ATP6V1H: variants seen among roughly 807,000 people sequenced by gnomAD.
ATP6V1H encodes ATPase H+ transporting V1 subunit H, also known as V-type proton ATPase subunit H.
Under a neutral mutation model 71.7 loss-of-function variants are expected in ATP6V1H, and 39 were observed. The ratio of observed to expected loss-of-function variants is 0.54; its 90% CI spans 0.42 to 0.71. The LOEUF (loss-of-function observed/expected upper bound fraction) is 0.71. ATP6V1H is among the 30% of genes least tolerant of loss of function. ATP6V1H has a pLI of 0.00. For synonymous variants in ATP6V1H, 192 were observed against 199.3 expected, an observed-to-expected ratio of 0.96 and a Z score of 0.31; for missense variants, 509 against 594.9, an observed-to-expected ratio of 0.86 and a Z score of 1.50.
chr8:53,794,210 AAT>A (rs1300856018), intron 9 of ATP6V1H, among the ~76,000 whole-genome samples: 8 of 152,218 alleles, frequency 5.3e-5, no homozygotes, highest in African/African-American at 1.4e-4. Context: ...AGACCAGTAT[AAT>A]ATGTCATTTT....
chr8:53,763,518 A>G (rs956129455), intron 11 of ATP6V1H, among the ~76,000 whole-genome samples: 1 of 152,200 alleles, frequency 6.6e-6, no homozygotes, highest in Admixed American at 6.5e-5. Context: ...TACAGCTTCA[A>G]CAGAATCCCT....
At chr8:53,828,388 G>A (rs1393997268) in intron 4 of ATP6V1H, among the ~76,000 whole-genome samples, 1 of 152,188 alleles carries the variant, frequency 6.6e-6, no homozygotes, top group African/African-American at 2.4e-5. Context: ...CTACCAGCAT[G>A]TCATGGTGTT....
intron 11 of ATP6V1H, among the ~76,000 whole-genome samples, chr8:53,765,520 C>G (rs1808428798): frequency 8.3e-6 from 1 of 120,016 alleles, no homozygotes; most frequent in Non-Finnish European, 1.8e-5. Context: ...AGCATTAGCA[C>G]CAAAAAAAAA....
intron 9 of ATP6V1H, among the ~76,000 whole-genome samples, chr8:53,774,577 G>C (rs563665471): frequency 6.6e-6 from 1 of 152,130 alleles, no homozygotes; most frequent in Non-Finnish European, 1.5e-5. Flanking sequence ...TCCACTTCCA[G>C]GAATGATAAA....
chr8:53,737,089 G>C (rs571714906), intron 13 of ATP6V1H, among the ~76,000 whole-genome samples: 1 of 152,196 alleles, frequency 6.6e-6, no homozygotes, highest in Non-Finnish European at 1.5e-5. Context: ...AGAGCTGTAA[G>C]CCCTTAAAAG....
intron 7 of ATP6V1H, among the ~76,000 whole-genome samples, chr8:53,802,363 G>T (rs1305516202): frequency 6.6e-6 from 1 of 152,126 alleles, no homozygotes; most frequent in East Asian, 1.9e-4. Flanking sequence ...TTTTCAATAT[G>T]AAATTTCTTC....
intron 5 of ATP6V1H, among the ~76,000 whole-genome samples, chr8:53,816,918 C>A (rs1424203581): frequency 6.6e-6 from 1 of 152,158 alleles, no homozygotes; most frequent in Non-Finnish European, 1.5e-5. Flanking sequence ...ATGTAGTTAA[C>A]CCCACTACAA....
chr8:53,735,489 A>T (rs1322622552), intron 13 of ATP6V1H, among the ~76,000 whole-genome samples: 1 of 152,182 alleles, frequency 6.6e-6, no homozygotes, highest in African/African-American at 2.4e-5. Context: ...ATTGCCAGGA[A>T]ATTCATTTAA....
chr8:53,722,941 G>A (rs1352642147), intron 13 of ATP6V1H, among the ~76,000 whole-genome samples: 1 of 152,198 alleles, frequency 6.6e-6, no homozygotes, highest in African/African-American at 2.4e-5. Context: ...TTAATGATAT[G>A]TAGTAGAAAG....
At position 53,793,473 on chromosome 8, in the gene ATP6V1H, T is replaced by C. The variant is rs145362618; in HGVS notation, c.870+2174A>G. Reference sequence around the variant, plus strand: ...GGGCAACAAAACAAGATCCTGTCTCTACAAAAGATTTTATTTTTTAAATTA... The same window carrying C: ...GGGCAACAAAACAAGATCCTGTCTCCACAAAAGATTTTATTTTTTAAATTA... On this transcript the variant is annotated intron_variant, in intron 9 of 13. Coordinates refer to ENST00000359530, the MANE Select transcript of ATP6V1H (RefSeq NM_015941.4). Among the ~76,000 whole-genome samples the C allele has an allele frequency of 2.2e-3, 338 of 152,172 alleles. 2 individuals are homozygous for C. Among genetic ancestry groups the C allele is most frequent in the African/African-American group, 7.9e-3 (327 of 41,536 alleles).
At chr8:53,723,870 GA>G (rs1289791026) in intron 13 of ATP6V1H, among the ~76,000 whole-genome samples, 1 of 152,198 alleles carries the variant, frequency 6.6e-6, no homozygotes, top group Non-Finnish European at 1.5e-5. Flanking sequence ...ACAGTAAACA[GA>G]AAAGTTAGAC....
At chr8:53,746,133 CTCATG>C (rs1662402375) in intron 12 of ATP6V1H, among the ~76,000 whole-genome samples, 1 of 152,178 alleles carries the variant, frequency 6.6e-6, no homozygotes, top group African/African-American at 2.4e-5. Flanking sequence ...TATTTTTCAT[CTCATG>C]TAATTCTCAC....
intron 9 of ATP6V1H, among the ~76,000 whole-genome samples, chr8:53,780,831 G>A (rs1001776208): frequency 6.6e-6 from 1 of 152,072 alleles, no homozygotes; most frequent in African/African-American, 2.4e-5. Flanking sequence ...GAGAATGATG[G>A]TTTCCAGCTT....
At chr8:53,816,106 T>C (rs1162320340) in intron 5 of ATP6V1H, among the ~76,000 whole-genome samples, 1 of 152,226 alleles carries the variant, frequency 6.6e-6, no homozygotes, top group South Asian at 2.1e-4. Context: ...TTCTTTAAAA[T>C]ACAGTTTATT....
chr8:53,757,985 G>A (rs891961010), intron 11 of ATP6V1H, among the ~76,000 whole-genome samples: 8 of 152,198 alleles, frequency 5.3e-5, no homozygotes, highest in African/African-American at 1.7e-4. Flanking sequence ...AAGAGACTAT[G>A]GCCTGCTGAC....
intron 12 of ATP6V1H, among the ~76,000 whole-genome samples, chr8:53,746,815 A>G (rs1270123842): frequency 1.3e-5 from 2 of 152,244 alleles, no homozygotes; most frequent in Admixed American, 6.5e-5. Flanking sequence ...GTGGATTACA[A>G]AATATCATTA....
rs1387482189 is a variant in ATP6V1H, at chr8:53,780,140, C to A, written c.871-7973G>T. Among the ~76,000 whole-genome samples the A allele has an allele frequency of 3.6e-5, 5 of 140,208 alleles. No individual in the cohort carries two copies. The East Asian group carries it at 1.1e-3, about 30-fold the overall frequency. 92.0% of individuals were successfully genotyped at this position (140,208 alleles called of 152,430 possible). A position where few individuals can be genotyped will look rare whatever the true frequency, so the allele number is the denominator to read the frequency against. On this transcript the variant is annotated intron_variant, in intron 9 of 13. Coordinates refer to ENST00000359530, the MANE Select transcript of ATP6V1H (RefSeq NM_015941.4). ...TGCCACTGCATTCCAGCCTCGGTGA[C>A]AGGGTGAGACTCCATCTCAAAAAAA...
chr8:53,793,998 C>T (rs764357477), intron 9 of ATP6V1H, among the ~76,000 whole-genome samples: 2 of 152,154 alleles, frequency 1.3e-5, no homozygotes, highest in Non-Finnish European at 2.9e-5. Flanking sequence ...ATCTCCAGAA[C>T]TAAATCCAAA....
intron 12 of ATP6V1H, among the ~76,000 whole-genome samples, chr8:53,744,032 T>C (rs1807508220): frequency 6.6e-6 from 1 of 152,174 alleles, no homozygotes; most frequent in South Asian, 2.1e-4. Context: ...ATTTCTTGCT[T>C]GTTTAATATC....
Sources: allele counts gnomAD v4.1 joint callset (sites outside exome capture counted in the v4.1 genomes callset), GRCh38; gene constraint gnomAD v4.1.1; transcripts MANE v1.5; gene names NCBI Gene and HGNC (gene_info 2026-07-23, HGNC 2026-07-21).